The following MYO9A variants were observed in gnomAD, a reference collection of about 807,000 sequenced individuals.
MYO9A encodes myosin IXA.
MYO9A carries 103 observed loss-of-function variants against 293.3 expected under a neutral mutation model. The ratio of observed to expected loss-of-function variants is 0.35; its 90% CI spans 0.30 to 0.41. The LOEUF (loss-of-function observed/expected upper bound fraction) is 0.41. MYO9A is among the 10% of genes least tolerant of loss of function. MYO9A has a pLI of 1.00. For synonymous variants in MYO9A, 1,001 were observed against 1,035.7 expected, an observed-to-expected ratio of 0.97 and a Z score of 0.64; for missense variants, 2,685 against 3,033.0, an observed-to-expected ratio of 0.89 and a Z score of 2.69.
intron 18 of MYO9A, among the ~76,000 whole-genome samples, chr15:71,917,123 T>C (rs1324069681): frequency 6.6e-6 from 1 of 152,236 alleles, no homozygotes; most frequent in East Asian, 1.9e-4. Flanking sequence ...ATTTTATAAG[T>C]GCCTGCTTAA....
At position 71,974,424 on chromosome 15, in the gene MYO9A, G is replaced by A. The variant is rs543362851; in HGVS notation, c.1844+3747C>T. 3.9e-5 allele frequency among the ~76,000 whole-genome samples: 6 copies of A among 152,262 alleles called. No individual in the cohort carries two copies. The South Asian group carries it at 6.2e-4, about 16-fold the overall frequency. On this transcript the variant is annotated intron_variant, in intron 12 of 41. Coordinates refer to ENST00000356056, the MANE Select transcript of MYO9A (RefSeq NM_006901.4). ...TTTCTGGTTCATCTGGGAAAGAGGC[G>A]GTTGGGGAAGGTGCTGGTATGACTA...
intron 40 of MYO9A, among the ~76,000 whole-genome samples, chr15:71,829,445 G>A (rs188356709): frequency 6.8e-4 from 103 of 151,986 alleles, no homozygotes; most frequent in Non-Finnish European, 1.3e-3. Context: ...ACCATGGCAC[G>A]TTCATATTAT....
intron 32 of MYO9A, among the ~76,000 whole-genome samples, chr15:71,873,226 G>GTA (rs2056576551): frequency 6.6e-6 from 1 of 152,012 alleles, no homozygotes; most frequent in Non-Finnish European, 1.5e-5. Context: ...GCCAGCCCTT[G>GTA]TACTTTTTAC....
chr15:71,967,988 A>T lies in MYO9A; in HGVS notation c.1982T>A (p.Val661Glu), dbSNP rs1290401391. The change falls in exon 13 of 42, where the codon GTA (valine) becomes GAA (glutamate). Residue 661 changes from valine (V) to glutamate (E), a missense_variant. Val to Glu is a moderately radical substitution (Grantham distance 121). Transcript: ENST00000356056. ...KHYAGKVKYG[V>E]KDFREKNTDH... ...TTCAGTGAGAAATTTACTGACCTTT[A>T]CCCCATATTTTACTTTTCCAGCATA... 6.2e-7 allele frequency: 1 copy of T among 1,609,026 alleles called. No individual in the cohort carries two copies. The highest frequency in any genetic ancestry group is 8.5e-7 in the Non-Finnish European group (1 of 1,178,104).
Position 72,046,432 on chromosome 15 carries a change from C to T in MYO9A, c.132G>A (p.Glu44=), listed in dbSNP as rs772080601. Residue 44 remains glutamate (E), a synonymous_variant, in exon 2 of 42, where the codon GAG becomes GAA. Coordinates refer to ENST00000356056, the MANE Select transcript of MYO9A (RefSeq NM_006901.4). ...IPARKNSTAA[E]VIESLINKLH... Reference sequence around the variant, plus strand: ...GTTTGTTTATAAGAGACTCAATCACCTCAGCAGCTGTGGAGTTTTTTCTGG... The same window carrying T: ...GTTTGTTTATAAGAGACTCAATCACTTCAGCAGCTGTGGAGTTTTTTCTGG... 1 of 1,614,174 alleles carries T rather than the reference C, an allele frequency of 6.2e-7. No individual in the cohort carries two copies. Among genetic ancestry groups the T allele is most frequent in the Non-Finnish European group, 8.5e-7 (1 of 1,180,038 alleles).
intron 22 of MYO9A, 69 bp from the exon 23 acceptor site, chr15:71,901,409 C>G (rs1232184851): frequency 6.8e-6 from 10 of 1,469,282 alleles, no homozygotes; most frequent in Admixed American, 4.5e-5. Context: ...ATGAATCATC[C>G]TTTCTGTGAT....
intron 39 of MYO9A, among the ~76,000 whole-genome samples, chr15:71,833,005 CAAA>C (rs1280874645): frequency 6.7e-6 from 1 of 149,020 alleles, no homozygotes; most frequent in Admixed American, 6.7e-5. Flanking sequence ...AACTTCCAAA[CAAA>C]AGAAAAAATG....
intron 8 of MYO9A, among the ~76,000 whole-genome samples, chr15:72,004,551 C>A (rs916664595): frequency 1.4e-4 from 21 of 152,130 alleles, no homozygotes; most frequent in South Asian, 2.1e-4. Flanking sequence ...CAGCGAAACT[C>A]CATCTCAAAA....
intron 27 of MYO9A, among the ~76,000 whole-genome samples, chr15:71,884,973 TTTTA>T (rs2056978648): frequency 1.3e-5 from 2 of 150,180 alleles, no homozygotes; most frequent in Admixed American, 1.3e-4. Context: ...TTTTTTTTTT[TTTTA>T]AAAAAAAGCT....
At chr15:71,995,546 G>A (rs1359119684) in intron 9 of MYO9A, among the ~76,000 whole-genome samples, 15 of 142,878 alleles carry the variant, frequency 1.0e-4, no homozygotes, top group African/African-American at 3.4e-4. Flanking sequence ...TCACCATTTA[G>A]AAAGCATAAA....
Position 72,060,940 on chromosome 15 carries a change from TAAG to T in MYO9A, c.-71-14309_-71-14307del, listed in dbSNP as rs560264941. Among the ~76,000 whole-genome samples, 615 of 152,104 alleles carry T rather than the reference TAAG, an allele frequency of 4.0e-3. 8 individuals are homozygous for T. The highest frequency in any genetic ancestry group is 0.011 in the Admixed American group (168 of 15,276). The stretch of plus-strand genomic sequence containing the variant: ...AGCTCCAGGAGAACCTCCTTCTGCT[TAAG>T]GAGAGGAAAGAGTCACGTTGTCTTA... On this transcript the variant is annotated intron_variant, in intron 1 of 41. Coordinates refer to ENST00000356056, the MANE Select transcript of MYO9A (RefSeq NM_006901.4).
Position 71,921,958 on chromosome 15 carries a change from T to C in MYO9A, c.2563-5466A>G, listed in dbSNP as rs553284007. ...TTTTCCCTAAACACTGCATGCTGCT[T>C]CCTGGCAATCTTTTTCTACTTTTTT... On this transcript the variant is annotated intron_variant, in intron 18 of 41. Coordinates refer to ENST00000356056, the MANE Select transcript of MYO9A (RefSeq NM_006901.4). 4.6e-5 allele frequency among the ~76,000 whole-genome samples: 7 copies of C among 152,202 alleles called. No homozygotes were observed. In the South Asian group the frequency reaches 8.3e-4, roughly 18 times the overall value.
In MYO9A at chr15:71,897,807, AG is replaced by A. The variant is rs1223716938; in HGVS notation, c.4695del (p.Ser1566GlnfsTer14). ...AGTACATTAAGTTCTCCCTTATTTGAGGTATTTAAGCTGAGGAGAGAGGATG... is the reference window on the plus strand; with the variant it reads ...AGTACATTAAGTTCTCCCTTATTTGAGTATTTAAGCTGAGGAGAGAGGATG... Reference protein sequence around the residue: ...ERPSSLLSLNTSNKGELNVLG... With the variant: ...ERPSSLLSLNXSNKGELNVLG... On this transcript the variant is annotated frameshift_variant, in exon 25 of 42. Transcript: ENST00000356056. LOFTEE classifies it high-confidence loss of function. 1 of 1,613,770 alleles carries A rather than the reference AG, an allele frequency of 6.2e-7. No homozygotes were observed.
At chr15:71,934,796 T>C (rs12906166) in intron 17 of MYO9A, among the ~76,000 whole-genome samples, 552 of 139,656 alleles carry the variant, frequency 4.0e-3, no homozygotes, top group Non-Finnish European at 7.0e-3. Context: ...CTTTTTTTTT[T>C]TTTTTTTTTT....
intron 25 of MYO9A, among the ~76,000 whole-genome samples, chr15:71,895,348 G>T (rs2057292767): frequency 6.6e-6 from 1 of 152,150 alleles, no homozygotes; most frequent in Non-Finnish European, 1.5e-5. Context: ...ACTTCACCAT[G>T]AATTCTTTTT....
At chr15:72,077,509 G>A (rs1221919974) in intron 1 of MYO9A, among the ~76,000 whole-genome samples, 2 of 151,770 alleles carry the variant, frequency 1.3e-5, no homozygotes, top group Non-Finnish European at 2.9e-5. Context: ...CTGGCCAACA[G>A]GCTGAAACTC....
At chr15:71,830,420 A>C (rs1356087478) in intron 39 of MYO9A, 109 bp from the exon 40 acceptor site, 1 of 1,024,084 alleles carries the variant, frequency 9.8e-7, no homozygotes, top group African/African-American at 1.6e-5. Context: ...AATGATAAGA[A>C]TAAATGGAAA....
intron 6 of MYO9A, among the ~76,000 whole-genome samples, chr15:72,012,774 G>A (rs556313394): frequency 2.0e-5 from 3 of 152,280 alleles, no homozygotes; most frequent in Non-Finnish European, 2.9e-5. Context: ...GCTTCCACAT[G>A]TGTCAATAAT....
intron 19 of MYO9A, among the ~76,000 whole-genome samples, chr15:71,912,906 T>C (rs144094033): frequency 0.013 from 2,051 of 152,278 alleles, 27 homozygotes; most frequent in African/African-American, 0.023. Flanking sequence ...TGGCTAAGTT[T>C]AAGATGCTCT....
Sources: allele counts gnomAD v4.1 joint callset (sites outside exome capture counted in the v4.1 genomes callset), GRCh38; gene constraint gnomAD v4.1.1; transcripts MANE v1.5; gene names NCBI Gene and HGNC (gene_info 2026-07-23, HGNC 2026-07-21).